CNTFR: variants seen among roughly 807,000 people sequenced by gnomAD.
CNTFR encodes ciliary neurotrophic factor receptor subunit alpha.
A neutral mutation model predicts 40.4 loss-of-function variants in CNTFR; 12 were observed. The ratio of observed to expected loss-of-function variants is 0.30; its 90% CI spans 0.19 to 0.48. The LOEUF (loss-of-function observed/expected upper bound fraction) is 0.48, where lower values mean the gene tolerates loss of function less well. CNTFR is among the 20% of genes least tolerant of loss of function. The pLI is 0.99. For missense variants in CNTFR, 414 were observed against 506.8 expected, an observed-to-expected ratio of 0.82 and a Z score of 1.76; for synonymous variants, 202 against 209.6, an observed-to-expected ratio of 0.96 and a Z score of 0.31.
chr9:34,557,781 T>C lies in CNTFR; in HGVS notation c.437+86A>G. The C allele has an allele frequency of 6.3e-7, 1 of 1,577,050 alleles. No individual in the cohort carries two copies. Among genetic ancestry groups the C allele is most frequent in the African/African-American group, 1.3e-5 (1 of 74,210 alleles). Reference sequence around the variant, plus strand: ...GGAAAGGTCAAGCCCAAGGCAGGGCTGGGGTATGGACAGAGGGCATGGTGG... The same window carrying C: ...GGAAAGGTCAAGCCCAAGGCAGGGCCGGGGTATGGACAGAGGGCATGGTGG... On this transcript the variant is annotated intron_variant, in intron 5 of 9. Coordinates refer to ENST00000378980, the MANE Select transcript of CNTFR (RefSeq NM_147164.3). This position sits in a 1 kb window ranked among gnomAD's most constrained non-coding sequence, Gnocchi z 4.2.
At chr9:34,580,672 C>T (rs1457230227) in intron 2 of CNTFR, among the ~76,000 whole-genome samples, 5 of 152,304 alleles carry the variant, frequency 3.3e-5, no homozygotes, top group South Asian at 2.1e-4. Flanking sequence ...GAGTCAGGCT[C>T]GGCCCCACAG....
At chr9:34,564,474 G>T (rs1420145638) in intron 4 of CNTFR, 125 bp downstream of exon 4, 2 of 912,912 alleles carry the variant, frequency 2.2e-6, no homozygotes, top group Middle Eastern at 3.2e-4. Context: ...AAATCAGAGG[G>T]CAAGGGTCAG....
At position 34,558,751 on chromosome 9, in the gene CNTFR, T is replaced by A. The variant is rs141713496; in HGVS notation, c.320-767A>T. 5.3e-3 allele frequency among the ~76,000 whole-genome samples: 801 copies of A among 152,218 alleles called. 7 individuals are homozygous for A. Among genetic ancestry groups the A allele is most frequent in the African/African-American group, 0.018 (743 of 41,522 alleles). On this transcript the variant is annotated intron_variant, in intron 4 of 9. Coordinates refer to ENST00000378980, the MANE Select transcript of CNTFR (RefSeq NM_147164.3). ...CCCAGCATCTCCATCGCAGACCCTT[T>A]AAGAAGCCCTTTACATGGTAAGCAG...
At chr9:34,561,191 C>T (rs1186887577) in intron 4 of CNTFR, among the ~76,000 whole-genome samples, 1 of 152,182 alleles carries the variant, frequency 6.6e-6, no homozygotes, top group Admixed American at 6.5e-5. Flanking sequence ...CGACCTCCCA[C>T]TTGTGATTTC....
At position 34,564,611 on chromosome 9, in the gene CNTFR, G is replaced by A; in HGVS notation, c.307C>T (p.Leu103=). 6.2e-7 allele frequency: 1 copy of A among 1,610,214 alleles called. No homozygotes were observed. The highest frequency in any genetic ancestry group is 2.2e-5 in the East Asian group (1 of 44,734). The change falls in exon 4 of 10, where the codon CTG becomes TTG. Residue 103 remains leucine, a synonymous_variant. Coordinates refer to ENST00000378980, the MANE Select transcript of CNTFR (RefSeq NM_147164.3). ...GGGCAACACTTACAGCCCACATGCAGCAGGACTTGGTGGCGCAGGTGCCAG... is the reference window on the plus strand; with the variant it reads ...GGGCAACACTTACAGCCCACATGCAACAGGACTTGGTGGCGCAGGTGCCAG... The part of the protein sequence containing the change: ...DSWHLRHQVL[L]HVGLPPREPV...
intron 1 of CNTFR, among the ~76,000 whole-genome samples, chr9:34,586,041 T>C (rs941101765): frequency 6.6e-5 from 10 of 152,172 alleles, no homozygotes; most frequent in African/African-American, 1.4e-4. Flanking sequence ...CATCTCAGCA[T>C]TGGGAGGGAC....
chr9:34,552,833 C>T lies in CNTFR; in HGVS notation c.790G>A (p.Ala264Thr). The T allele has an allele frequency of 1.2e-6, 2 of 1,612,532 alleles. No individual in the cohort carries two copies. Among genetic ancestry groups the T allele is most frequent in the Non-Finnish European group, 1.7e-6 (2 of 1,179,856 alleles). The change falls in exon 8 of 10, where the codon GCA (alanine) becomes ACA (threonine). Residue 264 changes from alanine to threonine, a missense_variant. Ala to Thr is a moderately conservative substitution (Grantham distance 58). This residue lies in a region of CNTFR where 83 missense variants were observed against 145.0 expected (regional missense o/e 0.57). Coordinates refer to ENST00000378980, the MANE Select transcript of CNTFR (RefSeq NM_147164.3). This position sits in a 1 kb window ranked among gnomAD's most constrained non-coding sequence, Gnocchi z 5.1. The stretch of plus-strand genomic sequence containing the variant: ...GCGTAGGCATCTGTGATGGTGTGTG[C>T]TGTGCCGTCGGACAGCTCCACCTGC... ...WQHVELSDGTAHTITDAYAGK... is the reference protein window; with the variant it reads ...WQHVELSDGTTHTITDAYAGK...
At chr9:34,562,515 T>C (rs969338916) in intron 4 of CNTFR, among the ~76,000 whole-genome samples, 11 of 152,138 alleles carry the variant, frequency 7.2e-5, no homozygotes, top group African/African-American at 1.9e-4. Context: ...TGGGTCAGCG[T>C]TTTTGTGGAA....
intron 4 of CNTFR, 108 bp downstream of exon 4, chr9:34,564,491 G>T: frequency 1.9e-6 from 2 of 1,048,792 alleles, no homozygotes; most frequent in Non-Finnish European, 2.9e-6. Context: ...TCAGGCTGCA[G>T]CTCTCCCCTC....
chr9:34,551,794 T>G lies in CNTFR; in HGVS notation c.*277A>C, dbSNP rs1165622515. The G allele has an allele frequency of 5.1e-6, 3 of 590,100 alleles. No homozygotes were observed. The highest frequency in any genetic ancestry group is 2.0e-5 in the South Asian group (1 of 50,664). The allele number at this position is 590,100 out of a possible 1,614,324, so 36.6% of individuals were successfully genotyped here. A position where few individuals can be genotyped will look rare whatever the true frequency, so the allele number is the denominator to read the frequency against. On this transcript the variant is annotated 3_prime_UTR_variant, in exon 10 of 10. Transcript: ENST00000378980. ...CAAGGGCTCCTGGGAGTCGCTGGCATTGGAGGGTCCAGCCCAAGGGGCCAG... is the reference window on the plus strand; with the variant it reads ...CAAGGGCTCCTGGGAGTCGCTGGCAGTGGAGGGTCCAGCCCAAGGGGCCAG...
chr9:34,580,799 T>A (rs1323167526), intron 2 of CNTFR, among the ~76,000 whole-genome samples: 1 of 152,228 alleles, frequency 6.6e-6, no homozygotes, highest in Non-Finnish European at 1.5e-5. Flanking sequence ...CTGAGGATAC[T>A]GAAACAGAAA....
chr9:34,578,078 C>A (rs1338428544), intron 2 of CNTFR, among the ~76,000 whole-genome samples: 1 of 151,210 alleles, frequency 6.6e-6, no homozygotes, highest in African/African-American at 2.4e-5. Context: ...TGCCCGCCTG[C>A]GGGCATCGGG....
intron 7 of CNTFR, among the ~76,000 whole-genome samples, chr9:34,555,756 C>A (rs1359290313): frequency 6.6e-6 from 1 of 152,054 alleles, no homozygotes; most frequent in African/African-American, 2.4e-5. Context: ...ATCTGTGAGC[C>A]CTTGAGGACA....
At chr9:34,578,472 G>A (rs1249384698) in intron 2 of CNTFR, among the ~76,000 whole-genome samples, 1 of 152,176 alleles carries the variant, frequency 6.6e-6, no homozygotes, top group Non-Finnish European at 1.5e-5. Context: ...CCCCTCCCAA[G>A]GAGAAGTTGC....
Position 34,552,578 on chromosome 9 carries a change from C to G in CNTFR, c.949+96G>C. The G allele has an allele frequency of 7.5e-7, 1 of 1,325,560 alleles. No individual in the cohort carries two copies. Among genetic ancestry groups the G allele is most frequent in the South Asian group, 1.4e-5 (1 of 70,412 alleles). 82.1% of individuals were successfully genotyped at this position (1,325,560 alleles called of 1,614,324 possible). ...GCAGAAGTGTGGCTACCCCCGGGAG[C>G]AGAGGCTGGAGGCAGCAGGGTAGAA... On this transcript the variant is annotated intron_variant, in intron 8 of 9. Coordinates refer to ENST00000378980, the MANE Select transcript of CNTFR (RefSeq NM_147164.3). The surrounding 1 kb of genome is among the most constrained non-coding windows in gnomAD (Gnocchi z 5.1).
chr9:34,564,175 T>C (rs553045527), intron 4 of CNTFR, among the ~76,000 whole-genome samples: 41 of 152,326 alleles, frequency 2.7e-4, no homozygotes, highest in Non-Finnish European at 5.0e-4. Flanking sequence ...GCCTTGCCTG[T>C]ACCTGCATAA....
Position 34,557,991 on chromosome 9 carries a change from G to A in CNTFR, c.320-7C>T, listed in dbSNP as rs372857598. ...ACAGGCTCCCGCGGCGGCACTGGGG[G>A]TGAGGACAGTATGGTCAGGGCATTC... On this transcript the variant is annotated splice_region_variant and splice_polypyrimidine_tract_variant and intron_variant, in intron 4 of 9. Coordinates refer to ENST00000378980, the MANE Select transcript of CNTFR (RefSeq NM_147164.3). This position sits in a 1 kb window ranked among gnomAD's most constrained non-coding sequence, Gnocchi z 4.2. The A allele has an allele frequency of 6.5e-7, 1 of 1,533,040 alleles. No individual in the cohort carries two copies. Among genetic ancestry groups the A allele is most frequent in the Admixed American group, 2.0e-5 (1 of 49,394 alleles). 95.0% of individuals were successfully genotyped at this position (1,533,040 alleles called of 1,614,324 possible).
intron 4 of CNTFR, among the ~76,000 whole-genome samples, chr9:34,563,060 C>A (rs1003877228): frequency 6.6e-6 from 1 of 152,034 alleles, no homozygotes; most frequent in Non-Finnish European, 1.5e-5. Context: ...ATGCTGACAA[C>A]CCCCCACAAA....
At chr9:34,586,040 A>G (rs1359825296) in intron 1 of CNTFR, among the ~76,000 whole-genome samples, 1 of 152,158 alleles carries the variant, frequency 6.6e-6, no homozygotes, top group Non-Finnish European at 1.5e-5. Flanking sequence ...CCATCTCAGC[A>G]TTGGGAGGGA....
Sources: gnomAD v4.1 joint callset for allele counts (sites outside exome capture counted in the v4.1 genomes callset) on GRCh38, gnomAD v4.1.1 for gene constraint, gnomAD v4.1.1 regional missense constraint, Gnocchi (gnomAD v3.1) non-coding constraint, MANE v1.5 for transcripts, NCBI Gene and HGNC (gene_info 2026-07-23, HGNC 2026-07-21) for gene names.